Variants in GRM8 observed in about 807,000 individuals in gnomAD.
GRM8 encodes the protein glutamate metabotropic receptor 8.
In GRM8, 47 loss-of-function variants were observed where a neutral mutation model predicts 87.2. The observed-to-expected ratio is 0.54, with a 90% confidence interval of 0.43 to 0.69. The LOEUF (loss-of-function observed/expected upper bound fraction) is 0.69, where lower values mean the gene tolerates loss of function less well. Among genes scored for constraint, GRM8 ranks in the 30% least tolerant of loss-of-function variants. The probability of loss-of-function intolerance (pLI) is 0.00; values close to 1 mark genes in which losing one functional copy is unlikely to be tolerated. For synonymous variants in GRM8, 396 were observed against 404.5 expected, an observed-to-expected ratio of 0.98 and a Z score of 0.25; for missense variants, 1,019 against 1,139.2, an observed-to-expected ratio of 0.89 and a Z score of 1.52.
Position 126,839,340 on chromosome 7 carries a change from T to C in GRM8, c.1156+63202A>G, listed in dbSNP as rs1024265255. ...GGCTCAAGTCCCTGATCTAATGAAT[T>C]AGGATCTGGATTTTAATAAGATATC... On this transcript the variant is annotated intron_variant, in intron 6 of 10. Coordinates refer to ENST00000339582, the MANE Select transcript of GRM8 (RefSeq NM_000845.3). 3.3e-5 allele frequency among the ~76,000 whole-genome samples: 5 copies of C among 152,132 alleles called. No individual in the cohort carries two copies. The East Asian group carries it at 9.6e-4, about 29-fold the overall frequency.
intron 7 of GRM8, among the ~76,000 whole-genome samples, chr7:126,654,977 T>C (rs1426610125): frequency 3.9e-5 from 6 of 152,044 alleles, no homozygotes; most frequent in East Asian, 1.9e-4. Flanking sequence ...CAAATAATCA[T>C]TGACTGGAGG....
At chr7:126,660,575 C>A (rs1303817531) in intron 7 of GRM8, among the ~76,000 whole-genome samples, 2 of 152,188 alleles carry the variant, frequency 1.3e-5, no homozygotes, top group Admixed American at 1.3e-4. Flanking sequence ...TGTTTGGATA[C>A]ATGTCTACAC....
intron 7 of GRM8, among the ~76,000 whole-genome samples, chr7:126,637,011 C>A (rs1801926671): frequency 6.6e-6 from 1 of 151,812 alleles, no homozygotes; most frequent in African/African-American, 2.4e-5. Context: ...CTTATAAGAA[C>A]AAATGATCAA....
chr7:126,474,874 G>A (rs948077741), intron 9 of GRM8, among the ~76,000 whole-genome samples: 1 of 151,972 alleles, frequency 6.6e-6, no homozygotes, highest in Non-Finnish European at 1.5e-5. Context: ...TAGAACAAAG[G>A]ATAAAAATTA....
intron 2 of GRM8, among the ~76,000 whole-genome samples, chr7:127,147,982 T>C (rs537495018): frequency 6.6e-6 from 1 of 152,194 alleles, no homozygotes; most frequent in African/African-American, 2.4e-5. Flanking sequence ...CCCCTTGCCA[T>C]TGAACCAGCA....
intron 6 of GRM8, among the ~76,000 whole-genome samples, chr7:126,782,722 A>T (rs1055346892): frequency 4.6e-5 from 7 of 152,178 alleles, no homozygotes; most frequent in African/African-American, 1.7e-4. Flanking sequence ...GAAGTTTATG[A>T]TGCATATCCT....
chr7:126,828,584 C>T (rs560112048), intron 6 of GRM8, among the ~76,000 whole-genome samples: 1 of 152,182 alleles, frequency 6.6e-6, no homozygotes, highest in African/African-American at 2.4e-5. Context: ...TTTATTGCAT[C>T]TATTTGATTC....
chr7:126,469,092 T>C (rs1448524088), intron 9 of GRM8, among the ~76,000 whole-genome samples: 1 of 152,102 alleles, frequency 6.6e-6, no homozygotes, highest in Non-Finnish European at 1.5e-5. Flanking sequence ...GTGCATAAGT[T>C]CCCATCTCCT....
At chr7:126,923,735 G>C (rs577158919) in intron 3 of GRM8, among the ~76,000 whole-genome samples, 2 of 152,228 alleles carry the variant, frequency 1.3e-5, no homozygotes, top group African/African-American at 4.8e-5. Flanking sequence ...ACTTTGGTAG[G>C]TGTTCAGTAG....
At chr7:126,863,028 C>A (rs916856758) in intron 6 of GRM8, among the ~76,000 whole-genome samples, 23 of 152,072 alleles carry the variant, frequency 1.5e-4, no homozygotes, top group South Asian at 8.3e-4. Flanking sequence ...TATTCCTCCT[C>A]TAACTGCTTG....
chr7:127,160,867 G>A (rs958686381), intron 2 of GRM8, among the ~76,000 whole-genome samples: 4 of 139,924 alleles, frequency 2.9e-5, no homozygotes, highest in African/African-American at 1.1e-4. Context: ...CACCCACCTC[G>A]ACTGAGCTCT....
chr7:126,794,817 C>A (rs1253802808), intron 6 of GRM8, among the ~76,000 whole-genome samples: 2 of 152,130 alleles, frequency 1.3e-5, no homozygotes, highest in African/African-American at 4.8e-5. Context: ...TTGGAAATTG[C>A]ATTTTCACAA....
intron 8 of GRM8, among the ~76,000 whole-genome samples, chr7:126,556,873 A>T (rs186684343): frequency 6.6e-6 from 1 of 152,334 alleles, no homozygotes; most frequent in East Asian, 1.9e-4. Flanking sequence ...CTAATCAGAT[A>T]TAAATGAAAG....
intron 3 of GRM8, among the ~76,000 whole-genome samples, chr7:126,904,918 TG>T (rs1249099776): frequency 6.6e-6 from 1 of 152,202 alleles, no homozygotes; most frequent in African/African-American, 2.4e-5. Flanking sequence ...ACATTATTTT[TG>T]TGGATATAGC....
chr7:126,443,579 T>A (rs1305102989), intron 10 of GRM8, among the ~76,000 whole-genome samples: 1 of 152,004 alleles, frequency 6.6e-6, no homozygotes, highest in Non-Finnish European at 1.5e-5. Context: ...ACCTAAATTA[T>A]ACTCCTGTAA....
At chr7:126,761,463 C>T (rs1270367087) in intron 7 of GRM8, among the ~76,000 whole-genome samples, 4 of 152,034 alleles carry the variant, frequency 2.6e-5, no homozygotes, top group African/African-American at 9.7e-5. Context: ...CTTTACTTTC[C>T]TATTTTAGAT....
chr7:126,477,508 C>T (rs934487133), intron 9 of GRM8, among the ~76,000 whole-genome samples: 1 of 148,836 alleles, frequency 6.7e-6, no homozygotes, highest in Non-Finnish European at 1.5e-5. Context: ...AATATATATA[C>T]TTTTTATTTG....
chr7:126,694,892 T>C (rs1292930968), intron 7 of GRM8, among the ~76,000 whole-genome samples: 1 of 152,208 alleles, frequency 6.6e-6, no homozygotes, highest in Non-Finnish European at 1.5e-5. Flanking sequence ...CCAACAACAA[T>C]GGTCTCATGC....
chr7:126,801,094 A>G (rs1369652051), intron 6 of GRM8, among the ~76,000 whole-genome samples: 1 of 152,132 alleles, frequency 6.6e-6, no homozygotes, highest in African/African-American at 2.4e-5. Context: ...ACCAATATGC[A>G]TACGAAAAGT....
Sources: allele counts gnomAD v4.1 joint callset (sites outside exome capture counted in the v4.1 genomes callset), GRCh38; gene constraint gnomAD v4.1.1; transcripts MANE v1.5; gene names NCBI Gene and HGNC (gene_info 2026-07-23, HGNC 2026-07-21).